ARNT: variants seen among roughly 807,000 people sequenced by gnomAD.
The protein encoded by ARNT is class E basic helix-loop-helix protein 2.
In ARNT, 30 loss-of-function variants were observed where a neutral mutation model predicts 105.0. The ratio of observed to expected loss-of-function variants is 0.29; its 90% CI spans 0.21 to 0.39. The LOEUF is 0.39. ARNT is among the 10% of genes least tolerant of loss of function. ARNT has a pLI of 1.00. For synonymous variants in ARNT, 304 were observed against 344.0 expected (o/e 0.88, Z 1.29); for missense variants, 748 against 978.7 (o/e 0.76, Z 3.15).
intron 15 of ARNT, 132 bp from the exon 16 acceptor site, chr1:150,817,565 T>C: frequency 3.6e-6 from 3 of 826,344 alleles, no homozygotes; most frequent in South Asian, 3.5e-5. Flanking sequence ...CCCAACACTT[T>C]GGGAGGCCGA....
At chr1:150,821,888 T>A (rs1657181390) in intron 14 of ARNT, among the ~76,000 whole-genome samples, 1 of 147,454 alleles carries the variant, frequency 6.8e-6, no homozygotes, top group African/African-American at 2.5e-5. Flanking sequence ...GCCAGGCTGG[T>A]CTCGAACTCC....
intron 8 of ARNT, among the ~76,000 whole-genome samples, chr1:150,834,198 C>T (rs1017579706): frequency 1.3e-5 from 2 of 152,126 alleles, no homozygotes; most frequent in Admixed American, 1.3e-4. Context: ...GCCTCAGCCT[C>T]CTAAAGTGCT....
At chr1:150,865,314 T>C (rs1455816006) in intron 1 of ARNT, among the ~76,000 whole-genome samples, 1 of 152,128 alleles carries the variant, frequency 6.6e-6, no homozygotes, top group Non-Finnish European at 1.5e-5. Context: ...ATGGAAAGAA[T>C]AAGAGAAGAA....
Position 150,834,651 on chromosome 1 carries a change from A to G in ARNT, c.701-11T>C, listed in dbSNP as rs751289486. On this transcript the variant is annotated splice_polypyrimidine_tract_variant and intron_variant, in intron 7 of 21. Transcript: ENST00000358595. ...GATCCAGGATACGCCCTGAAGGAAGATGTGAAGAGCAGTCTGGAGTGCATT... is the reference window on the plus strand; with the variant it reads ...GATCCAGGATACGCCCTGAAGGAAGGTGTGAAGAGCAGTCTGGAGTGCATT... 12 of 1,612,678 alleles carry G rather than the reference A, an allele frequency of 7.4e-6. No homozygotes were observed. The highest frequency in any genetic ancestry group is 1.0e-5 in the Non-Finnish European group (12 of 1,178,870).
At position 150,823,208 on chromosome 1, in the gene ARNT, GGTACAGATGAT is replaced by G; in HGVS notation, c.1369_1379del (p.Ile457GlnfsTer8). The G allele has an allele frequency of 6.2e-7, 1 of 1,609,838 alleles. No homozygotes were observed. The highest frequency in any genetic ancestry group is 8.5e-7 in the Non-Finnish European group (1 of 1,177,318). On this transcript the variant is annotated frameshift_variant, in exon 14 of 22. Coordinates refer to ENST00000358595, the MANE Select transcript of ARNT (RefSeq NM_001668.4). LOFTEE classifies it high-confidence loss of function. ...ATAATACATACTTCACATTGGTGTT[GGTACAGATGAT>G]GTACTCAATTTCATCTGAGTAAGGG...
At chr1:150,834,880 G>C (rs587603632) in intron 7 of ARNT, 9 of 425,934 alleles carry the variant, frequency 2.1e-5, no homozygotes, top group South Asian at 2.0e-4. Flanking sequence ...GCAAGGAAAA[G>C]TAGGAGTGGA....
In ARNT at chr1:150,834,647, G is replaced by A; in HGVS notation, c.701-7C>T. 5.6e-6 allele frequency: 9 copies of A among 1,612,908 alleles called. No individual in the cohort carries two copies. The highest frequency in any genetic ancestry group is 7.6e-6 in the Non-Finnish European group (9 of 1,179,090). On this transcript the variant is annotated splice_polypyrimidine_tract_variant and splice_region_variant and intron_variant, in intron 7 of 21. Transcript: ENST00000358595. The stretch of plus-strand genomic sequence containing the variant: ...TTTAGATCCAGGATACGCCCTGAAG[G>A]AAGATGTGAAGAGCAGTCTGGAGTG...
At chr1:150,828,350 G>GTT (rs10531895) in intron 12 of ARNT, among the ~76,000 whole-genome samples, 1 of 115,570 alleles carries the variant, frequency 8.7e-6, no homozygotes, top group African/African-American at 3.0e-5. Context: ...TTTTTTTTTT[G>GTT]TTTTTTTTTT....
At chr1:150,871,172 A>T (rs1386135142) in intron 1 of ARNT, among the ~76,000 whole-genome samples, 1 of 151,688 alleles carries the variant, frequency 6.6e-6, no homozygotes, top group Non-Finnish European at 1.5e-5. Context: ...GAACTTAATT[A>T]TCCACTCCTT....
chr1:150,819,645 A>T (rs1656659681), intron 14 of ARNT, among the ~76,000 whole-genome samples: 2 of 152,244 alleles, frequency 1.3e-5, no homozygotes, highest in African/African-American at 4.8e-5. Flanking sequence ...TGTAAACATT[A>T]TACTAAGTAA....
chr1:150,852,671 C>G, intron 3 of ARNT, 91 bp downstream of exon 3: 1 of 1,223,420 alleles, frequency 8.2e-7, no homozygotes, highest in Non-Finnish European at 1.2e-6. Context: ...TCTCCTTAGA[C>G]CTAAGGACAA....
intron 3 of ARNT, among the ~76,000 whole-genome samples, 198 bp downstream of exon 3, chr1:150,852,564 G>A (rs375597772): frequency 6.6e-6 from 1 of 152,098 alleles, no homozygotes; most frequent in Non-Finnish European, 1.5e-5. Flanking sequence ...TGTAAATGCC[G>A]TCCTCTCCTC....
At chr1:150,825,379 T>C (rs587639902) in intron 13 of ARNT, among the ~76,000 whole-genome samples, 1 of 152,340 alleles carries the variant, frequency 6.6e-6, no homozygotes, top group Non-Finnish European at 1.5e-5. Flanking sequence ...ATATTCATTG[T>C]ATCAATAACG....
At chr1:150,849,609 T>A (rs1662935754) in intron 3 of ARNT, among the ~76,000 whole-genome samples, 1 of 151,778 alleles carries the variant, frequency 6.6e-6, no homozygotes, top group Admixed American at 6.6e-5. Context: ...AACATCATTT[T>A]AAAATTAGCC....
At chr1:150,833,654 C>G (rs980822204) in intron 8 of ARNT, among the ~76,000 whole-genome samples, 1 of 151,992 alleles carries the variant, frequency 6.6e-6, no homozygotes, top group Non-Finnish European at 1.5e-5. Context: ...CTTTGTGACC[C>G]TGAGATGCCT....
At chr1:150,814,006 A>G (rs1175572970) in intron 20 of ARNT, 71 bp downstream of exon 20, 37 of 1,563,886 alleles carry the variant, frequency 2.4e-5, no homozygotes, top group Non-Finnish European at 3.0e-5. Flanking sequence ...CAGGCAAACA[A>G]CTTTAACTAC....
At chr1:150,839,408 C>T in intron 6 of ARNT, 33 bp downstream of exon 6, 1 of 1,607,290 alleles carries the variant, frequency 6.2e-7, no homozygotes, top group Non-Finnish European at 8.5e-7. Context: ...CACCCAGATT[C>T]CAGACTCTCT....
At chr1:150,814,390 C>A in intron 19 of ARNT, 151 bp from the exon 20 acceptor site, 1 of 769,316 alleles carries the variant, frequency 1.3e-6, no homozygotes, top group South Asian at 2.2e-5. Context: ...CCAATTAACT[C>A]TCAATCTCTC....
chr1:150,872,323 A>C (rs1571550984), intron 1 of ARNT, among the ~76,000 whole-genome samples: 2 of 152,186 alleles, frequency 1.3e-5, no homozygotes, highest in African/African-American at 4.8e-5. Flanking sequence ...GAAAAAGGTA[A>C]ATAAAGGTAA....
Sources: allele counts gnomAD v4.1 joint callset (sites outside exome capture counted in the v4.1 genomes callset), GRCh38; gene constraint gnomAD v4.1.1; transcripts MANE v1.5; gene names NCBI Gene and HGNC (gene_info 2026-07-23, HGNC 2026-07-21).